Variants in NLRP2 observed in about 807,000 individuals in gnomAD.
NLRP2 encodes the protein NACHT, LRR and PYD domains-containing protein 2.
NLRP2 carries 107 observed loss-of-function variants against 97.2 expected under a neutral mutation model. That is an observed-to-expected ratio of 1.10 (90% CI 0.94 to 1.29). The LOEUF (loss-of-function observed/expected upper bound fraction) is 1.29. Among genes scored for constraint, NLRP2 ranks in the 50% most tolerant of loss-of-function variants. The pLI is 0.00. For synonymous variants in NLRP2, 663 were observed against 551.5 expected (o/e 1.20, Z -2.83); for missense variants, 1,495 against 1,330.3 (o/e 1.12, Z -1.93).
At chr19:54,985,699 GAAAA>G (rs1475549245) in intron 7 of NLRP2, among the ~76,000 whole-genome samples, 4,869 of 126,098 alleles carry the variant, frequency 0.039, 297 homozygotes, top group African/African-American at 0.14. Flanking sequence ...AAAAAAAAAA[GAAAA>G]AGAAAAAAAG....
chr19:54,980,074 C>A (rs1431594733), intron 4 of NLRP2, among the ~76,000 whole-genome samples: 1 of 151,970 alleles, frequency 6.6e-6, no homozygotes, highest in Non-Finnish European at 1.5e-5. Context: ...TGTGCCCAGC[C>A]TAGCACACAA....
chr19:54,984,455 T>C (rs796310251), intron 6 of NLRP2, among the ~76,000 whole-genome samples: 6 of 146,450 alleles, frequency 4.1e-5, no homozygotes, highest in African/African-American at 7.6e-5. Context: ...ATATTTCTTA[T>C]TGATATGTAT....
intron 10 of NLRP2, 61 bp downstream of exon 10, chr19:54,990,733 G>T (rs918771520): frequency 6.4e-7 from 1 of 1,561,742 alleles, no homozygotes; most frequent in African/African-American, 1.4e-5. Flanking sequence ...CCACCTCCGG[G>T]TTTGAGTAGG....
At chr19:54,983,796 C>A in intron 6 of NLRP2, 68 bp downstream of exon 6, 1 of 1,590,102 alleles carries the variant, frequency 6.3e-7, no homozygotes, top group Non-Finnish European at 8.5e-7. Context: ...TAGGAAGAGG[C>A]CAGAGCCTCC....
chr19:54,981,033 C>T (rs2071535329), intron 4 of NLRP2, among the ~76,000 whole-genome samples: 1 of 150,964 alleles, frequency 6.6e-6, no homozygotes, highest in South Asian at 2.2e-4. Flanking sequence ...ATCGCTTGAA[C>T]CCGGGAGGCG....
intron 2 of NLRP2, 66 bp downstream of exon 2, chr19:54,970,361 A>T (rs2070768285): frequency 1.4e-5 from 23 of 1,592,406 alleles, no homozygotes; most frequent in Non-Finnish European, 2.0e-5. Context: ...GACTTTAGAA[A>T]TTCAGAAGGC....
In NLRP2 at chr19:54,981,517, T is replaced by TCCCCCCCCCCC; in HGVS notation, c.398-93_398-92insCCCCCCCCCCC. On this transcript the variant is annotated intron_variant, in intron 4 of 12. Transcript: ENST00000448584. ...GCTTTATCTGATCCCGTGCCCCCCCTCCCCCCCGCCCCATCAGCCTGCCTC... is the reference window on the plus strand; with the variant it reads ...GCTTTATCTGATCCCGTGCCCCCCCTCCCCCCCCCCCCCCCCCCGCCCCATCAGCCTGCCTC... 61 of 274,194 alleles carry TCCCCCCCCCCC rather than the reference T, an allele frequency of 2.2e-4. 4 individuals carry two copies. Among genetic ancestry groups the TCCCCCCCCCCC allele is most frequent in the South Asian group, 3.8e-4 (15 of 39,218 alleles). 17.0% of individuals were successfully genotyped at this position (274,194 alleles called of 1,614,324 possible).
intron 7 of NLRP2, among the ~76,000 whole-genome samples, 190 bp from the exon 8 acceptor site, chr19:54,985,961 C>T (rs546535559): frequency 7.2e-4 from 109 of 152,054 alleles, no homozygotes; most frequent in Middle Eastern, 6.8e-3. Flanking sequence ...GAGATCGCGC[C>T]ACTGCACTCC....
intron 8 of NLRP2, among the ~76,000 whole-genome samples, chr19:54,988,229 C>T (rs1406881557): frequency 1.3e-5 from 2 of 152,018 alleles, no homozygotes; most frequent in African/African-American, 4.8e-5. Context: ...TTTCTTTTTG[C>T]CTGAGAATAA....
chr19:54,978,147 C>G (rs2071363980), intron 4 of NLRP2, among the ~76,000 whole-genome samples: 1 of 152,060 alleles, frequency 6.6e-6, no homozygotes, highest in Non-Finnish European at 1.5e-5. Flanking sequence ...TAACCTCCAC[C>G]TCCCAGGTTC....
intron 8 of NLRP2, among the ~76,000 whole-genome samples, chr19:54,987,055 T>C (rs1406500246): frequency 1.3e-5 from 2 of 151,168 alleles, no homozygotes; most frequent in Non-Finnish European, 2.9e-5. Flanking sequence ...TGGTTAATTT[T>C]TGTATTATTA....
chr19:54,990,408 A>C (rs2072392043), intron 9 of NLRP2, 94 bp from the exon 10 acceptor site: 1 of 1,367,154 alleles, frequency 7.3e-7, no homozygotes, highest in Non-Finnish European at 1.0e-6. Context: ...GGAGTTCACA[A>C]GAAGGGGCTT....
intron 12 of NLRP2, 78 bp from the exon 13 acceptor site, chr19:55,000,682 G>T: frequency 6.7e-7 from 1 of 1,497,518 alleles, no homozygotes. Context: ...CTCCTTAACA[G>T]ACTTTCAGGT....
At chr19:54,974,728 C>G (rs191106712) in intron 3 of NLRP2, among the ~76,000 whole-genome samples, 184 bp downstream of exon 3, 1 of 152,148 alleles carries the variant, frequency 6.6e-6, no homozygotes, top group Non-Finnish European at 1.5e-5. Context: ...GAAACACGAT[C>G]GCGTTTGTTG....
rs544759995 is a variant in NLRP2, at chr19:54,996,037, C to CAAAAAAAAAAAAAAAAA, written c.2880-1264_2880-1263insAAAAAAAAAAAAAAAAA. 9.5e-5 allele frequency among the ~76,000 whole-genome samples: 7 copies of CAAAAAAAAAAAAAAAAA among 73,360 alleles called. 1 individual carries two copies. The highest frequency in any genetic ancestry group is 3.9e-4 in the African/African-American group (7 of 18,084). The allele number at this position is 73,360 out of a possible 152,430, so 48.1% of individuals were successfully genotyped here. A position where few individuals can be genotyped will look rare whatever the true frequency, so the allele number is the denominator to read the frequency against. On this transcript the variant is annotated intron_variant, in intron 11 of 12. Coordinates refer to ENST00000448584, the MANE Select transcript of NLRP2 (RefSeq NM_017852.5). ...CCTGGGTGACAGTGAGATCCTGTCT[C>CAAAAAAAAAAAAAAAAA]AAAAAAAAAAAAAAAACAAAAAAAA...
intron 4 of NLRP2, 108 bp from the exon 5 acceptor site, chr19:54,981,509 G>GTC: frequency 4.4e-5 from 17 of 386,504 alleles, no homozygotes; most frequent in South Asian, 1.1e-4. Flanking sequence ...CTGATCCCGT[G>GTC]CCCCCCCTCC....
rs746794364 is a variant in NLRP2 at position 54,982,930 on chromosome 19, A to G, written c.1232A>G (p.Gln411Arg). The change falls in exon 6 of 13, where the codon CAG (glutamine) becomes CGG (arginine). Residue 411 changes from glutamine (Q) to arginine (R), a missense_variant. Transcript: ENST00000448584. ...ATCGTGTGCACGACTCTGAAGCTGCAGATGGAGAAGGGGGAGGACCCGGTC... is the reference window on the plus strand; with the variant it reads ...ATCGTGTGCACGACTCTGAAGCTGCGGATGGAGAAGGGGGAGGACCCGGTC... ...CWIVCTTLKL[Q>R]MEKGEDPVPT... is the part of the protein sequence containing the mutation. 2 of 1,612,990 alleles carry G rather than the reference A, an allele frequency of 1.2e-6. No individual in the cohort carries two copies. The highest frequency in any genetic ancestry group is 3.3e-5 in the Admixed American group (2 of 60,026).
At chr19:54,972,506 G>A (rs919198413) in intron 2 of NLRP2, among the ~76,000 whole-genome samples, 1 of 151,874 alleles carries the variant, frequency 6.6e-6, no homozygotes, top group Non-Finnish European at 1.5e-5. Context: ...ACGGGGTCTC[G>A]TTTTCTTGCT....
chr19:54,984,500 T>TTTTTTTTTTTTTTATGG (rs764786892), intron 6 of NLRP2, among the ~76,000 whole-genome samples: 1 of 132,852 alleles, frequency 7.5e-6, no homozygotes, highest in Non-Finnish European at 1.6e-5. Flanking sequence ...TTTTTTTTTT[T>TTTTTTTTTTTTTTATGG]GAGACGGAGT....
Sources: gnomAD v4.1 joint callset for allele counts (sites outside exome capture counted in the v4.1 genomes callset) on GRCh38, gnomAD v4.1.1 for gene constraint, MANE v1.5 for transcripts, NCBI Gene and HGNC (gene_info 2026-07-23, HGNC 2026-07-21) for gene names.